Variants in GARNL3 observed in about 807,000 individuals in gnomAD.
GARNL3 encodes the protein GTPase-activating Rap/Ran-GAP domain-like protein 3.
A neutral mutation model predicts 125.0 loss-of-function variants in GARNL3; 63 were observed. That is an observed-to-expected ratio of 0.50 (90% CI 0.41 to 0.62). The LOEUF (loss-of-function observed/expected upper bound fraction) is 0.62. Among genes scored for constraint, GARNL3 ranks in the 20% least tolerant of loss-of-function variants. The pLI, the probability that GARNL3 is intolerant of heterozygous loss-of-function variation, is 0.00. For synonymous variants in GARNL3, 439 were observed against 457.5 expected (o/e 0.96, Z 0.52); for missense variants, 994 against 1,244.0 (o/e 0.80, Z 3.02).
At chr9:127,388,288 C>T (rs1483079299) in intron 25 of GARNL3, 1 of 151,108 alleles carries the variant, frequency 6.6e-6, no homozygotes, top group Non-Finnish European at 1.5e-5. Context: ...TGCACTCCAG[C>T]CTGAGCGACA....
Position 127,354,398 on chromosome 9 carries a change from G to T in GARNL3, c.1747G>T (p.Glu583Ter). ...SRSDCRENKL[E>*]KTKGCHLYAI... is the part of the protein sequence containing the mutation. ...GTCTGACTGCAGAGAAAACAAGTTG[G>T]AGAAAACAAAAGGTGACTTGATAGA... The change falls in exon 19 of 28, where the codon GAG (glutamate) becomes TAG (stop). Residue 583 changes from glutamate to a stop codon, truncating the protein, a stop_gained. Coordinates refer to ENST00000373387, the MANE Select transcript of GARNL3 (RefSeq NM_032293.5). LOFTEE classifies it high-confidence loss of function. 1 of 1,607,262 alleles carries T rather than the reference G, an allele frequency of 6.2e-7. No individual in the cohort carries two copies. Among genetic ancestry groups the T allele is most frequent in the Non-Finnish European group, 8.5e-7 (1 of 1,174,616 alleles).
chr9:127,357,947 G>A (rs1231555156), intron 21 of GARNL3, among the ~76,000 whole-genome samples: 1 of 152,090 alleles, frequency 6.6e-6, no homozygotes, highest in African/African-American at 2.4e-5. Flanking sequence ...GGTGGGTACT[G>A]CACCCTCCCT....
intron 22 of GARNL3, among the ~76,000 whole-genome samples, chr9:127,376,536 C>T (rs1277389029): frequency 2.0e-5 from 3 of 152,052 alleles, no homozygotes; most frequent in African/African-American, 7.2e-5. Flanking sequence ...AACATTTTAA[C>T]GTCTCTGAAT....
At chr9:127,380,695 A>G (rs2131806116) in intron 22 of GARNL3, among the ~76,000 whole-genome samples, 1 of 152,354 alleles carries the variant, frequency 6.6e-6, no homozygotes, top group East Asian at 1.9e-4. Context: ...CACATGTTGC[A>G]TGATGCAATT....
At chr9:127,369,987 G>A (rs1831518806) in intron 22 of GARNL3, among the ~76,000 whole-genome samples, 1 of 152,190 alleles carries the variant, frequency 6.6e-6, no homozygotes, top group Admixed American at 6.5e-5. Context: ...GCCACAGGCA[G>A]CCGTGGCAGT....
chr9:127,383,632 G>A, intron 23 of GARNL3, 87 bp downstream of exon 23: 1 of 777,572 alleles, frequency 1.3e-6, no homozygotes, highest in Non-Finnish European at 2.1e-6. Flanking sequence ...CAAATCACTG[G>A]CTTACTGCGA....
At chr9:127,257,395 A>G (rs948917069) in intron 2 of GARNL3, among the ~76,000 whole-genome samples, 7 of 152,238 alleles carry the variant, frequency 4.6e-5, no homozygotes, top group African/African-American at 9.6e-5. Flanking sequence ...CCCACTTGCA[A>G]TGGATGACTG....
At chr9:127,358,972 G>GC (rs1158771871) in intron 21 of GARNL3, among the ~76,000 whole-genome samples, 1 of 151,990 alleles carries the variant, frequency 6.6e-6, no homozygotes, top group Non-Finnish European at 1.5e-5. Flanking sequence ...AATCTGGGGG[G>GC]GTGTGGTACT....
chr9:127,383,338 A>C, intron 22 of GARNL3, 100 bp from the exon 23 acceptor site: 1 of 675,456 alleles, frequency 1.5e-6, no homozygotes, highest in Non-Finnish European at 2.6e-6. Flanking sequence ...AAGAACTAGC[A>C]GATAGGGTAC....
At position 127,248,249 on chromosome 9, in the gene GARNL3, C is replaced by T. The variant is rs2063337043; in HGVS notation, c.143+5000C>T. Among the ~76,000 whole-genome samples the T allele has an allele frequency of 3.3e-5, 5 of 152,218 alleles. 1 individual carries two copies. The South Asian group carries it at 1.0e-3, about 32-fold the overall frequency. Reference sequence around the variant, plus strand: ...GTTGGAAGGGCGGCTGACTCGTCCCCTGCCCCATTTCCTCTCTCCCTTTTG... The same window carrying T: ...GTTGGAAGGGCGGCTGACTCGTCCCTTGCCCCATTTCCTCTCTCCCTTTTG... On this transcript the variant is annotated intron_variant, in intron 2 of 10. Transcript: ENST00000439286.
intron 24 of GARNL3, among the ~76,000 whole-genome samples, chr9:127,386,002 A>G (rs967770521): frequency 6.6e-6 from 1 of 152,252 alleles, no homozygotes; most frequent in Admixed American, 6.5e-5. Context: ...ACATTAGTTG[A>G]TTGTAAATAG....
At chr9:127,379,977 C>T (rs1481439254) in intron 22 of GARNL3, among the ~76,000 whole-genome samples, 1 of 152,034 alleles carries the variant, frequency 6.6e-6, no homozygotes, top group African/African-American at 2.4e-5. Flanking sequence ...GTCAGGAGTT[C>T]GAGACCAGCC....
Position 127,336,238 on chromosome 9 carries a change from T to C in GARNL3, c.982+2T>C. 1 of 1,603,116 alleles carries C rather than the reference T, an allele frequency of 6.2e-7. No homozygotes were observed. Among genetic ancestry groups the C allele is most frequent in the Non-Finnish European group, 8.5e-7 (1 of 1,170,192 alleles). On this transcript the variant is annotated splice_donor_variant, in intron 11 of 27. Coordinates refer to ENST00000373387, the MANE Select transcript of GARNL3 (RefSeq NM_032293.5). LOFTEE classifies it high-confidence loss of function. ...CCATGATCCGCTCCCACTTTACACG[T>C]ATCCTGGGCCTTTGTAAATGCTCCA...
chr9:127,263,089 G>A (rs997828343), upstream of GARNL3, among the ~76,000 whole-genome samples: 1 of 152,240 alleles, frequency 6.6e-6, no homozygotes, highest in African/African-American at 2.4e-5. Flanking sequence ...GCAACACATA[G>A]TGGACATTCT....
intron 2 of GARNL3, chr9:127,300,381 CT>C: frequency 3.0e-6 from 1 of 337,454 alleles, no homozygotes. Flanking sequence ...TATTTGACCC[CT>C]TTCACCTCTC....
chr9:127,228,095 T>A (rs2062944533), intron 1 of GARNL3, among the ~76,000 whole-genome samples: 1 of 152,224 alleles, frequency 6.6e-6, no homozygotes, highest in South Asian at 2.1e-4. Flanking sequence ...GCTTTTCCAC[T>A]TAATATAGTG....
intron 4 of GARNL3, among the ~76,000 whole-genome samples, chr9:127,315,880 T>C (rs1278551832): frequency 6.6e-6 from 1 of 152,232 alleles, no homozygotes; most frequent in Non-Finnish European, 1.5e-5. Context: ...CATCCGTCCC[T>C]GTAGACACAC....
At chr9:127,272,236 C>A (rs890855916) in intron 1 of GARNL3, among the ~76,000 whole-genome samples, 1 of 149,950 alleles carries the variant, frequency 6.7e-6, no homozygotes, top group Non-Finnish European at 1.5e-5. Context: ...GCCTGTCCAG[C>A]ACCCCTAACA....
At chr9:127,296,097 T>G (rs2064583042) in intron 2 of GARNL3, among the ~76,000 whole-genome samples, 2 of 152,114 alleles carry the variant, frequency 1.3e-5, no homozygotes, top group Admixed American at 6.5e-5. Flanking sequence ...GGGTTCATGC[T>G]CCTGCGAGGA....
Sources: allele counts gnomAD v4.1 joint callset (sites outside exome capture counted in the v4.1 genomes callset), GRCh38; gene constraint gnomAD v4.1.1; transcripts MANE v1.5; gene names NCBI Gene and HGNC (gene_info 2026-07-23, HGNC 2026-07-21).